Variants in PARD3 observed in about 807,000 individuals in gnomAD.
The protein encoded by PARD3 is partitioning defective 3 homolog.
PARD3 carries 75 observed loss-of-function variants against 155.4 expected under a neutral mutation model. The ratio of observed to expected loss-of-function variants is 0.48; its 90% CI spans 0.40 to 0.58. PARD3 has a LOEUF of 0.58. Among genes scored for constraint, PARD3 ranks in the 20% least tolerant of loss-of-function variants. The probability of loss-of-function intolerance (pLI) is 0.00; values close to 1 mark genes in which losing one functional copy is unlikely to be tolerated. For missense variants in PARD3, 1,642 were observed against 1,721.7 expected (o/e 0.95, Z 0.82); for synonymous variants, 576 against 610.5 (o/e 0.94, Z 0.83).
chr10:34,634,537 C>T (rs1287401283), intron 2 of PARD3, among the ~76,000 whole-genome samples: 1 of 152,140 alleles, frequency 6.6e-6, no homozygotes, highest in Non-Finnish European at 1.5e-5. Context: ...AAGAAATACT[C>T]AGGCTTTAAA....
At chr10:34,503,921 G>A (rs1433043432) in intron 3 of PARD3, among the ~76,000 whole-genome samples, 2 of 152,148 alleles carry the variant, frequency 1.3e-5, no homozygotes, top group African/African-American at 4.8e-5. Context: ...CTTTTATAGA[G>A]TTATGAAAAT....
At chr10:34,789,752 C>A (rs1841423348) in intron 1 of PARD3, among the ~76,000 whole-genome samples, 1 of 152,030 alleles carries the variant, frequency 6.6e-6, no homozygotes, top group Admixed American at 6.6e-5. Context: ...TATACACAAA[C>A]AAACAGAAAG....
rs1564652639 is a variant in PARD3 at position 34,384,311 on chromosome 10, C to T, written c.891-57G>A. 6.7e-6 allele frequency: 10 copies of T among 1,499,632 alleles called. No homozygotes were observed. In the Admixed American group the frequency reaches 9.0e-5, roughly 14 times the overall value. 92.9% of individuals were successfully genotyped at this position (1,499,632 alleles called of 1,614,324 possible). A position where few individuals can be genotyped will look rare whatever the true frequency, so the allele number is the denominator to read the frequency against. On this transcript the variant is annotated intron_variant, in intron 7 of 24. Transcript: ENST00000374788. ...TGTAATATCTCCACCATGCACACTG[C>T]CTTACCACTTTAATGCTGTTATTAT...
At chr10:34,783,604 C>CAAAAA (rs35411933) in intron 1 of PARD3, among the ~76,000 whole-genome samples, 20 of 76,264 alleles carry the variant, frequency 2.6e-4, no homozygotes, top group South Asian at 6.0e-4. Flanking sequence ...ACTCCGTCTT[C>CAAAAA]AAAAAAAAAA....
chr10:34,619,201 C>G (rs1490866355), intron 2 of PARD3, among the ~76,000 whole-genome samples: 1 of 152,042 alleles, frequency 6.6e-6, no homozygotes, highest in Non-Finnish European at 1.5e-5. Flanking sequence ...CAGGCATGCA[C>G]CACCACGCCT....
At chr10:34,261,789 G>GAAAGAAAGAAAGAAAT (rs1955012045) in intron 22 of PARD3, among the ~76,000 whole-genome samples, 1 of 46,138 alleles carries the variant, frequency 2.2e-5, no homozygotes, top group Admixed American at 2.6e-4. Flanking sequence ...AGAAAAGAAA[G>GAAAGAAAGAAAGAAAT]AAAGAAAGAA....
intron 22 of PARD3, among the ~76,000 whole-genome samples, chr10:34,203,477 A>G (rs1479593891): frequency 6.6e-6 from 1 of 152,172 alleles, no homozygotes; most frequent in African/African-American, 2.4e-5. Flanking sequence ...ACCAAAATCC[A>G]CGGATGTGCA....
At chr10:34,467,329 TTG>T (rs61218571) in intron 4 of PARD3, among the ~76,000 whole-genome samples, 2,518 of 146,774 alleles carry the variant, frequency 0.017, 42 homozygotes, top group African/African-American at 0.036. Flanking sequence ...TGACTCCAAC[TTG>T]TGTGTGTGTG....
intron 5 of PARD3, among the ~76,000 whole-genome samples, chr10:34,403,106 G>A (rs894523036): frequency 6.6e-6 from 1 of 152,138 alleles, no homozygotes; most frequent in Non-Finnish European, 1.5e-5. Context: ...GCTAATTAAA[G>A]TAAAATCATG....
intron 22 of PARD3, among the ~76,000 whole-genome samples, chr10:34,216,579 T>G (rs566380489): frequency 6.6e-6 from 1 of 152,280 alleles, no homozygotes; most frequent in South Asian, 2.1e-4. Flanking sequence ...AACAGTAAGC[T>G]GCTTAATCTA....
chr10:34,662,464 T>C (rs2093347713), intron 2 of PARD3, among the ~76,000 whole-genome samples: 1 of 152,216 alleles, frequency 6.6e-6, no homozygotes, highest in South Asian at 2.1e-4. Flanking sequence ...CTATGTTCAT[T>C]GCAGCACTAT....
At chr10:34,349,580 TAAAAAAAAAAAAA>T in intron 14 of PARD3, among the ~76,000 whole-genome samples, 449 of 44,748 alleles carry the variant, frequency 0.01, 12 homozygotes, top group African/African-American at 0.047. Flanking sequence ...TCTGGGAAAG[TAAAAAAAAAAAAA>T]AAAAAAAAAA....
chr10:34,123,825 G>A (rs561238950), intron 23 of PARD3, among the ~76,000 whole-genome samples: 93 of 152,126 alleles, frequency 6.1e-4, no homozygotes, highest in African/African-American at 2.0e-3. Context: ...AATACAAAAC[G>A]AAATATTTAA....
intron 19 of PARD3, among the ~76,000 whole-genome samples, chr10:34,324,995 A>G (rs943263364): frequency 1.3e-5 from 2 of 152,128 alleles, no homozygotes; most frequent in African/African-American, 4.8e-5. Flanking sequence ...AATTTAAAAT[A>G]GTCTGTGGTT....
intron 1 of PARD3, among the ~76,000 whole-genome samples, chr10:34,711,076 T>C (rs2094443088): frequency 6.6e-6 from 1 of 152,110 alleles, no homozygotes; most frequent in South Asian, 2.1e-4. Flanking sequence ...TTCCGGAGAC[T>C]GAGGCAGGAG....
At chr10:34,206,747 A>G (rs1434541138) in intron 22 of PARD3, among the ~76,000 whole-genome samples, 1 of 152,208 alleles carries the variant, frequency 6.6e-6, no homozygotes, top group Non-Finnish European at 1.5e-5. Flanking sequence ...GGTTGCTGCC[A>G]TGGAAAGCAG....
intron 22 of PARD3, among the ~76,000 whole-genome samples, chr10:34,248,158 T>G (rs1461650897): frequency 6.6e-6 from 1 of 152,160 alleles, no homozygotes; most frequent in Admixed American, 6.5e-5. Flanking sequence ...ATGGATCAAT[T>G]CAAGATAAAA....
chr10:34,517,245 A>C (rs908993711), intron 2 of PARD3, 86 bp from the exon 3 acceptor site: 18 of 1,252,542 alleles, frequency 1.4e-5, no homozygotes, highest in Non-Finnish European at 1.9e-5. Context: ...ATAATTCTAC[A>C]GTGCAAAAAT....
chr10:34,516,052 C>G (rs1241729946), intron 3 of PARD3, among the ~76,000 whole-genome samples: 1 of 152,036 alleles, frequency 6.6e-6, no homozygotes, highest in Non-Finnish European at 1.5e-5. Context: ...CATCTCCAAC[C>G]TCCAATCGTT....
Sources: gnomAD v4.1 joint callset for allele counts (sites outside exome capture counted in the v4.1 genomes callset) on GRCh38, gnomAD v4.1.1 for gene constraint, MANE v1.5 for transcripts, NCBI Gene and HGNC (gene_info 2026-07-23, HGNC 2026-07-21) for gene names.